Variants in NFATC1 observed in about 807,000 individuals in gnomAD.
The protein encoded by NFATC1 is nuclear factor of activated T cells 1, also known as nuclear factor of activated T-cells, cytoplasmic 1.
NFATC1 carries 22 observed loss-of-function variants against 76.0 expected under a neutral mutation model. The ratio of observed to expected loss-of-function variants is 0.29; its 90% CI spans 0.21 to 0.41. NFATC1 has a LOEUF of 0.41. NFATC1 is among the 10% of genes least tolerant of loss of function. NFATC1 has a pLI of 1.00. For missense variants in NFATC1, 1,357 were observed against 1,337.7 expected (o/e 1.01, Z -0.23); for synonymous variants, 704 against 613.1 (o/e 1.15, Z -2.19).
chr18:79,490,218 GAGGTGGTGC>G (rs1356198614), intron 9 of NFATC1, among the ~76,000 whole-genome samples: 1 of 152,218 alleles, frequency 6.6e-6, no homozygotes, highest in Admixed American at 6.5e-5. Context: ...CCTGGGGGCT[GAGGTGGTGC>G]AGGTGGGGTA....
chr18:79,425,171 A>G (rs1249961769), intron 2 of NFATC1, among the ~76,000 whole-genome samples: 1 of 34,326 alleles, frequency 2.9e-5, no homozygotes, highest in African/African-American at 1.9e-4. Context: ...CTGTCTCTCC[A>G]TCTGTCTCTC....
At chr18:79,472,420 A>T (rs1392138524) in intron 8 of NFATC1, among the ~76,000 whole-genome samples, 2 of 152,224 alleles carry the variant, frequency 1.3e-5, no homozygotes, top group Non-Finnish European at 2.9e-5. Context: ...CCTTCTGCTC[A>T]GCCCGGCAGC....
At position 79,442,137 on chromosome 18, in the gene NFATC1, G is replaced by A. The variant is rs558994338; in HGVS notation, c.1387-6645G>A. Among the ~76,000 whole-genome samples, 7 of 152,350 alleles carry A rather than the reference G, an allele frequency of 4.6e-5. No homozygotes were observed. The East Asian group carries it at 1.2e-3, about 25-fold the overall frequency. On this transcript the variant is annotated intron_variant, in intron 3 of 9. Coordinates refer to ENST00000427363, the MANE Select transcript of NFATC1 (RefSeq NM_001278669.2). Reference sequence around the variant, plus strand: ...CATGGCACAGGTTGGGAGAGCAGCCGGGAGGGCAGCGGGCCGAGGCGGTGG... The same window carrying A: ...CATGGCACAGGTTGGGAGAGCAGCCAGGAGGGCAGCGGGCCGAGGCGGTGG...
chr18:79,461,095 T>C (rs2304737), intron 6 of NFATC1, among the ~76,000 whole-genome samples: 1 of 151,912 alleles, frequency 6.6e-6, no homozygotes, highest in Admixed American at 6.5e-5. Context: ...TTCTCCAGGC[T>C]CCCAGGGCAA....
At chr18:79,397,987 G>A (rs1301249440) in intron 1 of NFATC1, among the ~76,000 whole-genome samples, 1 of 152,174 alleles carries the variant, frequency 6.6e-6, no homozygotes, top group African/African-American at 2.4e-5. Context: ...CACACAGGCC[G>A]GCAGCATGGG....
intron 6 of NFATC1, among the ~76,000 whole-genome samples, chr18:79,456,832 G>A (rs1039898258): frequency 3.9e-5 from 6 of 152,318 alleles, no homozygotes; most frequent in East Asian, 1.9e-4. Flanking sequence ...GCCCTCTGAC[G>A]GGGCTGGGTG....
chr18:79,404,612 G>A (rs957777353), intron 1 of NFATC1, among the ~76,000 whole-genome samples: 1 of 152,248 alleles, frequency 6.6e-6, no homozygotes, highest in African/African-American at 2.4e-5. Context: ...AGCAAGTGCT[G>A]AAGGGAATGT....
chr18:79,423,469 C>T (rs1445805300), intron 2 of NFATC1, among the ~76,000 whole-genome samples: 1 of 152,218 alleles, frequency 6.6e-6, no homozygotes, highest in Non-Finnish European at 1.5e-5. Flanking sequence ...CTTGCCCAGC[C>T]TTGGGGAGGA....
At chr18:79,442,692 G>C (rs374667593) in intron 3 of NFATC1, among the ~76,000 whole-genome samples, 1 of 152,176 alleles carries the variant, frequency 6.6e-6, no homozygotes, top group East Asian at 1.9e-4. Context: ...ACGTGCTCAC[G>C]CTGGGTCCCT....
intron 4 of NFATC1, 48 bp from the exon 5 acceptor site, chr18:79,450,906 C>G: frequency 1.3e-6 from 2 of 1,584,100 alleles, no homozygotes; most frequent in Non-Finnish European, 1.7e-6. Context: ...CCTTTACGCT[C>G]CCGCGTCAGC....
chr18:79,521,247 G>A (rs1159398062), intron 9 of NFATC1, among the ~76,000 whole-genome samples: 3 of 87,886 alleles, frequency 3.4e-5, no homozygotes, highest in South Asian at 5.2e-4. Flanking sequence ...CCACTGATGT[G>A]TGTCCATGTG....
intron 9 of NFATC1, among the ~76,000 whole-genome samples, chr18:79,508,919 C>A (rs549831526): frequency 9.5e-5 from 14 of 147,782 alleles, no homozygotes; most frequent in Admixed American, 8.7e-4. Context: ...TCTCTCATGG[C>A]GGCCTTTTCT....
chr18:79,424,521 C>G (rs951963342), intron 2 of NFATC1, among the ~76,000 whole-genome samples: 3 of 151,774 alleles, frequency 2.0e-5, no homozygotes, highest in Admixed American at 2.0e-4. Flanking sequence ...GTCTGTCTCT[C>G]CATCTCTGTC....
intron 8 of NFATC1, among the ~76,000 whole-genome samples, chr18:79,472,265 C>G (rs1367796870): frequency 6.6e-6 from 1 of 152,128 alleles, no homozygotes; most frequent in Non-Finnish European, 1.5e-5. Flanking sequence ...GAACCGGCCC[C>G]TCTAGGAAGC....
chr18:79,494,138 C>G (rs2089789914), intron 9 of NFATC1, among the ~76,000 whole-genome samples: 1 of 152,256 alleles, frequency 6.6e-6, no homozygotes, highest in Non-Finnish European at 1.5e-5. Flanking sequence ...CAGTTCCTCT[C>G]GAGAAAACTC....
chr18:79,429,181 A>G (rs915223299), intron 2 of NFATC1, among the ~76,000 whole-genome samples: 1 of 148,154 alleles, frequency 6.7e-6, no homozygotes, highest in Non-Finnish European at 1.5e-5. Context: ...AGATGGCTCC[A>G]CTGCACTCCA....
In NFATC1 at chr18:79,436,771, C is replaced by T. The variant is rs116076764; in HGVS notation, c.1386+3033C>T. 9.5e-3 allele frequency among the ~76,000 whole-genome samples: 1,450 copies of T among 151,990 alleles called. 20 individuals carry two copies. Among genetic ancestry groups the T allele is most frequent in the African/African-American group, 0.032 (1,327 of 41,408 alleles). On this transcript the variant is annotated intron_variant, in intron 3 of 9. Transcript: ENST00000427363. The stretch of plus-strand genomic sequence containing the variant: ...CCGGGTACCTGTGGGCGCTGAGGGG[C>T]GTGAGGGGGTCCGGCATCCGGGGCT...
At chr18:79,504,724 C>T (rs1268746797) in intron 9 of NFATC1, among the ~76,000 whole-genome samples, 4 of 152,274 alleles carry the variant, frequency 2.6e-5, no homozygotes, top group Admixed American at 2.6e-4. Flanking sequence ...TGAGGCTTGC[C>T]TGCAAGACAT....
rs558435236 is a variant in NFATC1, at chr18:79,501,517, C to A, written c.2782+14580C>A. Among the ~76,000 whole-genome samples, 27 of 152,028 alleles carry A rather than the reference C, an allele frequency of 1.8e-4. 1 individual carries two copies. Among genetic ancestry groups the A allele is most frequent in the South Asian group, 1.2e-3 (6 of 4,820 alleles). The stretch of plus-strand genomic sequence containing the variant: ...GGTAAGAAACAGAAATAAAAGGCAA[C>A]CGGAATGGACAGGAAAAAGTAAAAT... On this transcript the variant is annotated intron_variant, in intron 9 of 9. Transcript: ENST00000427363.
Sources: gnomAD v4.1 joint callset for allele counts (sites outside exome capture counted in the v4.1 genomes callset) on GRCh38, gnomAD v4.1.1 for gene constraint, MANE v1.5 for transcripts, NCBI Gene and HGNC (gene_info 2026-07-23, HGNC 2026-07-21) for gene names.